Variants in CCDC14 observed in about 807,000 individuals in gnomAD.
CCDC14 encodes coiled-coil domain containing 14.
CCDC14 carries 71 observed loss-of-function variants against 81.4 expected under a neutral mutation model. That is an observed-to-expected ratio of 0.87 (90% CI 0.72 to 1.06). The LOEUF is 1.06. Among genes scored for constraint, CCDC14 ranks in the 50% least tolerant of loss-of-function variants. The probability of loss-of-function intolerance (pLI) is 0.00; values close to 1 mark genes in which losing one functional copy is unlikely to be tolerated. For synonymous variants in CCDC14, 332 were observed against 364.8 expected, an observed-to-expected ratio of 0.91 and a Z score of 1.03; for missense variants, 1,046 against 1,047.3, an observed-to-expected ratio of 1.00 and a Z score of 0.02.
Position 123,946,923 on chromosome 3 carries a change from C to T in CCDC14, c.1081G>A (p.Val361Met), listed in dbSNP as rs545222646. ...TSERKDLNIH[V>M]RDTKTVKDVQ... is the part of the protein sequence containing the mutation. ...TCCTTCACTGTTTTTGTATCTCGCA[C>T]ATGTATGTTTAAATCCTTTCTTTCA... Residue 361 changes from valine (V) to methionine (M), a missense_variant, in exon 8 of 13, where the codon GTG (valine) becomes ATG (methionine). By Grantham distance (21) the Val-to-Met change is conservative (BLOSUM62 1). Transcript: ENST00000409697. 7 of 1,613,928 alleles carry T rather than the reference C, an allele frequency of 4.3e-6. No homozygotes were observed. Among genetic ancestry groups the T allele is most frequent in the African/African-American group, 1.3e-5 (1 of 75,026 alleles).
At chr3:123,919,812 G>A (rs2034935861) in intron 12 of CCDC14, among the ~76,000 whole-genome samples, 2 of 152,138 alleles carry the variant, frequency 1.3e-5, no homozygotes, top group South Asian at 4.1e-4. Flanking sequence ...TTGCAAAACT[G>A]GAAGAGGTGG....
the CCDC14 span, among the ~76,000 whole-genome samples, chr3:123,885,941 T>TAAAA: frequency 2.6e-5 from 4 of 151,644 alleles, no homozygotes; most frequent in African/African-American, 9.7e-5. Context: ...TGCTTTTTTT[T>TAAAA]AAAAAAATTA....
At chr3:123,897,660 A>G in intron 5 of CCDC14, 1 of 919,952 alleles carries the variant, frequency 1.1e-6, no homozygotes, top group Non-Finnish European at 1.4e-6. Flanking sequence ...ACTTGGGATT[A>G]CATTCTATTA....
downstream of CCDC14, chr3:123,913,407 A>G: frequency 1.0e-6 from 1 of 983,444 alleles, no homozygotes; most frequent in Middle Eastern, 5.2e-4. Flanking sequence ...ATTTGGGAGT[A>G]GACAGATGAC....
rs950601843 is a variant in CCDC14 at position 123,955,912 on chromosome 3, T to C, written c.283A>G (p.Lys95Glu). Reference sequence around the variant, plus strand: ...CTTTTCTTTTTTGATCCGTATCTTTTGCTTTCTAAAGGTCTAGAATTAGAT... The same window carrying C: ...CTTTTCTTTTTTGATCCGTATCTTTCGCTTTCTAAAGGTCTAGAATTAGAT... The part of the protein sequence containing the change: ...NRSNSRPLES[K>E]RYGSKKKRHE... The change falls in exon 5 of 13, where the codon AAA becomes GAA. Residue 95 changes from lysine to glutamate, a missense_variant. Physicochemically the swap from Lys to Glu is moderately conservative, Grantham distance 56 (BLOSUM62 1). Transcript: ENST00000409697. 2.6e-6 allele frequency: 4 copies of C among 1,538,334 alleles called. No individual in the cohort carries two copies. The highest frequency in any genetic ancestry group is 3.5e-6 in the Non-Finnish European group (4 of 1,138,332).
At chr3:123,960,425 G>A (rs1347182527) in intron 1 of CCDC14, among the ~76,000 whole-genome samples, 1 of 152,194 alleles carries the variant, frequency 6.6e-6, no homozygotes, top group Admixed American at 6.5e-5. Flanking sequence ...TCAGTTTTGT[G>A]AGTCTGAATC....
chr3:123,910,956 T>C (rs1407455170), downstream of CCDC14, among the ~76,000 whole-genome samples: 2 of 152,136 alleles, frequency 1.3e-5, no homozygotes, highest in East Asian at 1.9e-4. Context: ...ATACGTAAAC[T>C]GATAAAGACA....
chr3:123,886,519 T>A, the CCDC14 span, among the ~76,000 whole-genome samples: 2 of 152,122 alleles, frequency 1.3e-5, no homozygotes, highest in African/African-American at 4.8e-5. Flanking sequence ...TGCCTCAGCC[T>A]CCTGAATAGG....
In CCDC14 at chr3:123,914,942, T is replaced by C. The variant is rs1269554866; in HGVS notation, c.2555A>G (p.Asp852Gly). The change falls in exon 13 of 13, where the codon GAT (aspartate) becomes GGT (glycine). Residue 852 changes from aspartate to glycine, a missense_variant. Transcript: ENST00000409697. ...CAAGTCAGAAGTGAAAACACTACCA[T>C]CACAGACAGTATTGCCTTTCACTTG... The part of the protein sequence containing the change: ...SLQVKGNTVC[D>G]GSVFTSDLMS... 6.2e-7 allele frequency: 1 copy of C among 1,614,024 alleles called. No homozygotes were observed. The highest frequency in any genetic ancestry group is 2.2e-5 in the East Asian group (1 of 44,878).
At chr3:123,953,359 C>T (rs186158023) in intron 5 of CCDC14, 1 of 152,342 alleles carries the variant, frequency 6.6e-6, no homozygotes, top group Non-Finnish European at 1.5e-5. Flanking sequence ...TGACGGATTC[C>T]CCAAGCTCAG....
chr3:123,956,684 C>G (rs1054252074), intron 2 of CCDC14, 56 bp downstream of exon 2: 1 of 1,402,036 alleles, frequency 7.1e-7, no homozygotes, highest in South Asian at 1.3e-5. Flanking sequence ...TCATCCAGCC[C>G]AAAGACCTGA....
chr3:123,947,703 C>T (rs2036731790), intron 7 of CCDC14, among the ~76,000 whole-genome samples: 1 of 151,926 alleles, frequency 6.6e-6, no homozygotes. Context: ...TGTAATGCTC[C>T]CATATTACAG....
Position 123,914,233 on chromosome 3 carries a change from A to C in CCDC14, c.*546T>G. On this transcript the variant is annotated 3_prime_UTR_variant, in exon 13 of 13. Transcript: ENST00000409697. Reference sequence around the variant, plus strand: ...AGGATGTTATCTATATATTTTTTAGACCAATCAATGTTTTTTAAGAGGTGT... The same window carrying C: ...AGGATGTTATCTATATATTTTTTAGCCCAATCAATGTTTTTTAAGAGGTGT... The C allele has an allele frequency of 2.0e-6, 2 of 984,492 alleles. No individual in the cohort carries two copies. The highest frequency in any genetic ancestry group is 9.4e-5 in the South Asian group (2 of 21,252). The allele number at this position is 984,492 out of a possible 1,614,324, so 61.0% of individuals were successfully genotyped here.
Position 123,956,041 on chromosome 3 carries a change from A to G in CCDC14, c.229+5T>C. ...GTGATCAGCAAAGAATTAAAAAAAAAAAACCTGAATCTTCATTTCTCAAAA... is the reference window on the plus strand; with the variant it reads ...GTGATCAGCAAAGAATTAAAAAAAAGAAACCTGAATCTTCATTTCTCAAAA... On this transcript the variant is annotated splice_donor_5th_base_variant and intron_variant, in intron 4 of 12. Coordinates refer to ENST00000409697, the MANE Select transcript of CCDC14 (RefSeq NM_001366335.1). 6.5e-7 allele frequency: 1 copy of G among 1,542,274 alleles called. No individual in the cohort carries two copies. Among genetic ancestry groups the G allele is most frequent in the Non-Finnish European group, 8.7e-7 (1 of 1,144,220 alleles).
At chr3:123,893,401 T>C (rs2034016701), downstream of CCDC14, among the ~76,000 whole-genome samples, 1 of 152,208 alleles carries the variant, frequency 6.6e-6, no homozygotes. Flanking sequence ...GTAGAATATA[T>C]CAAAACTTCA....
At chr3:123,909,313 A>C (rs1407497307), downstream of CCDC14, among the ~76,000 whole-genome samples, 2 of 152,142 alleles carry the variant, frequency 1.3e-5, no homozygotes, top group East Asian at 3.9e-4. Flanking sequence ...CCTCTTGGAT[A>C]GTTGGTGTTC....
chr3:123,938,967 T>C (rs2148889219), intron 9 of CCDC14, among the ~76,000 whole-genome samples: 1 of 152,070 alleles, frequency 6.6e-6, no homozygotes, highest in South Asian at 2.1e-4. Context: ...TAACCATAAT[T>C]TCCACGGTTG....
At position 123,914,645 on chromosome 3, in the gene CCDC14, T is replaced by C; in HGVS notation, c.*134A>G. 2 of 1,380,984 alleles carry C rather than the reference T, an allele frequency of 1.4e-6. No individual in the cohort carries two copies. The highest frequency in any genetic ancestry group is 1.9e-6 in the Non-Finnish European group (2 of 1,069,532). The allele number at this position is 1,380,984 out of a possible 1,614,324, so 85.5% of individuals were successfully genotyped here. ...CCTCAGTGTCAATATATCTCAACAA[T>C]ACATTTATTACTTGTACAATATATT... On this transcript the variant is annotated 3_prime_UTR_variant, in exon 13 of 13. Coordinates refer to ENST00000409697, the MANE Select transcript of CCDC14 (RefSeq NM_001366335.1).
At chr3:123,944,735 G>T in intron 9 of CCDC14, 114 bp downstream of exon 9, 1 of 665,608 alleles carries the variant, frequency 1.5e-6, no homozygotes, top group Non-Finnish European at 2.3e-6. Flanking sequence ...TAGAAATACA[G>T]TAAGACAGCA....
Sources: allele counts gnomAD v4.1 joint callset (sites outside exome capture counted in the v4.1 genomes callset), GRCh38; gene constraint gnomAD v4.1.1; transcripts MANE v1.5; gene names NCBI Gene and HGNC (gene_info 2026-07-23, HGNC 2026-07-21).